The following UGGT2 variants were observed in gnomAD, a reference collection of about 807,000 sequenced individuals.
UGGT2 encodes UDP-glucose:glycoprotein glucosyltransferase 2.
In UGGT2, 180 loss-of-function variants were observed where a neutral mutation model predicts 192.1. The observed-to-expected ratio is 0.94, with a 90% CI of 0.83 to 1.06. The LOEUF (loss-of-function observed/expected upper bound fraction) is 1.06. Among genes scored for constraint, UGGT2 ranks in the 50% least tolerant of loss-of-function variants. The pLI is 0.00. For missense variants in UGGT2, 1,849 were observed against 1,795.7 expected, an observed-to-expected ratio of 1.03 and a Z score of -0.54; for synonymous variants, 580 against 591.0, an observed-to-expected ratio of 0.98 and a Z score of 0.27.
At chr13:95,912,314 A>G (rs1285123219) in intron 20 of UGGT2, among the ~76,000 whole-genome samples, 2 of 152,210 alleles carry the variant, frequency 1.3e-5, no homozygotes, top group Non-Finnish European at 2.9e-5. Context: ...TTTGCAGATG[A>G]CATGATTGTA....
intron 5 of UGGT2, among the ~76,000 whole-genome samples, chr13:96,005,932 A>C (rs2051959732): frequency 6.6e-6 from 1 of 152,180 alleles, no homozygotes; most frequent in Non-Finnish European, 1.5e-5. Flanking sequence ...CCAACTCCTG[A>C]CCAGAACACC....
chr13:95,921,650 A>G (rs904252481), intron 20 of UGGT2, among the ~76,000 whole-genome samples: 4 of 152,214 alleles, frequency 2.6e-5, no homozygotes, highest in Admixed American at 2.0e-4. Context: ...CTAAGAAGAC[A>G]TACAAGCAGC....
At chr13:95,886,950 G>A (rs1022337979) in intron 26 of UGGT2, among the ~76,000 whole-genome samples, 1 of 152,152 alleles carries the variant, frequency 6.6e-6, no homozygotes, top group Non-Finnish European at 1.5e-5. Context: ...AGTTACTCAG[G>A]AGGCTGAGGT....
chr13:95,836,941 C>T (rs1887350003), intron 37 of UGGT2, 145 bp downstream of exon 37: 1 of 704,576 alleles, frequency 1.4e-6, no homozygotes, highest in South Asian at 2.0e-5. Flanking sequence ...CCTATACTTG[C>T]CAACCTAAGT....
chr13:95,857,037 AT>A (rs1407121331), intron 33 of UGGT2, among the ~76,000 whole-genome samples: 1 of 152,078 alleles, frequency 6.6e-6, no homozygotes, highest in Non-Finnish European at 1.5e-5. Flanking sequence ...ATTAATAAAT[AT>A]AGAATTTGCG....
intron 12 of UGGT2, among the ~76,000 whole-genome samples, chr13:95,963,433 A>G (rs978860042): frequency 1.1e-4 from 17 of 152,168 alleles, no homozygotes; most frequent in African/African-American, 4.1e-4. Flanking sequence ...TGACAAACAC[A>G]CAGCTAACAT....
chr13:95,974,003 T>A (rs2050859240), intron 10 of UGGT2, among the ~76,000 whole-genome samples: 1 of 152,152 alleles, frequency 6.6e-6, no homozygotes. Context: ...ATAAGTCACA[T>A]AATAGGGACT....
chr13:95,885,718 C>T (rs1476228630), intron 26 of UGGT2, among the ~76,000 whole-genome samples: 4 of 152,124 alleles, frequency 2.6e-5, no homozygotes, highest in Non-Finnish European at 1.5e-5. Flanking sequence ...GGAGAGAATA[C>T]AGTCATGAAG....
intron 17 of UGGT2, among the ~76,000 whole-genome samples, chr13:95,928,708 A>AGACTG (rs2049132665): frequency 6.6e-6 from 1 of 150,934 alleles, no homozygotes; most frequent in Non-Finnish European, 1.5e-5. Context: ...CTCACTTCCC[A>AGACTG]GACTGGGCGG....
At chr13:95,858,845 C>T (rs547312668) in intron 33 of UGGT2, among the ~76,000 whole-genome samples, 5 of 152,238 alleles carry the variant, frequency 3.3e-5, no homozygotes, top group African/African-American at 1.2e-4. Context: ...AATTGAATAA[C>T]GTCAGTTAAA....
At chr13:95,836,270 G>A (rs1012129291) in intron 37 of UGGT2, among the ~76,000 whole-genome samples, 7 of 152,120 alleles carry the variant, frequency 4.6e-5, no homozygotes, top group Non-Finnish European at 8.8e-5. Context: ...CGCTGGTCTC[G>A]AAGTCCTGAC....
At chr13:95,848,709 T>C (rs1243615578) in intron 36 of UGGT2, among the ~76,000 whole-genome samples, 1 of 152,230 alleles carries the variant, frequency 6.6e-6, no homozygotes, top group Non-Finnish European at 1.5e-5. Flanking sequence ...CTGGTATTGC[T>C]AGTCTTCTGA....
chr13:95,890,745 A>T, intron 25 of UGGT2, 117 bp downstream of exon 25: 1 of 756,834 alleles, frequency 1.3e-6, no homozygotes, highest in Non-Finnish European at 2.2e-6. Context: ...GAAATATGAC[A>T]CTCTATTAAA....
Position 95,837,190 on chromosome 13 carries a change from T to C in UGGT2, c.4297A>G (p.Asn1433Asp). ...LSNLDQDLPN[N>D]MIYQVAIKSL... is the part of the protein sequence containing the mutation. ...TTAATGGCGACTTGGTAAATCATAT[T>C]ATTGGGGAGATCCTACAGAAAATTG... The change falls in exon 37 of 39, where the codon AAT becomes GAT. Residue 1433 changes from asparagine to aspartate, a missense_variant. Transcript: ENST00000376747. 1 of 1,612,046 alleles carries C rather than the reference T, an allele frequency of 6.2e-7. No homozygotes were observed. Among genetic ancestry groups the C allele is most frequent in the Non-Finnish European group, 8.5e-7 (1 of 1,178,264 alleles).
At chr13:95,942,525 T>G (rs1380182046) in intron 15 of UGGT2, among the ~76,000 whole-genome samples, 1 of 152,154 alleles carries the variant, frequency 6.6e-6, no homozygotes, top group African/African-American at 2.4e-5. Flanking sequence ...ATAATTATCT[T>G]GTTTAGTTAC....
chr13:95,916,042 C>T (rs984038682), intron 20 of UGGT2, among the ~76,000 whole-genome samples: 1 of 152,192 alleles, frequency 6.6e-6, no homozygotes, highest in Non-Finnish European at 1.5e-5. Context: ...ACCTGCTCCA[C>T]CAACAAGCAG....
intron 1 of UGGT2, among the ~76,000 whole-genome samples, chr13:96,048,495 G>A (rs548776623): frequency 6.6e-6 from 1 of 152,252 alleles, no homozygotes; most frequent in East Asian, 1.9e-4. Context: ...GAGCAAAACT[G>A]AAGGAGATAG....
At chr13:95,890,226 C>T (rs990350685) in intron 25 of UGGT2, among the ~76,000 whole-genome samples, 1 of 152,178 alleles carries the variant, frequency 6.6e-6, no homozygotes, top group Non-Finnish European at 1.5e-5. Context: ...TAAGCTTCAG[C>T]TTCTCCAAAA....
At chr13:95,872,658 A>G (rs558797608) in intron 29 of UGGT2, among the ~76,000 whole-genome samples, 1 of 152,194 alleles carries the variant, frequency 6.6e-6, no homozygotes, top group Non-Finnish European at 1.5e-5. Flanking sequence ...TAAGTAATAC[A>G]AACAAGTTTG....
Sources: allele counts gnomAD v4.1 joint callset (sites outside exome capture counted in the v4.1 genomes callset), GRCh38; gene constraint gnomAD v4.1.1; transcripts MANE v1.5; gene names NCBI Gene and HGNC (gene_info 2026-07-23, HGNC 2026-07-21).